The following PKD2 variants were observed in gnomAD, a reference collection of about 807,000 sequenced individuals.
The protein encoded by PKD2 is polycystin-2.
Under a neutral mutation model 105.9 loss-of-function variants are expected in PKD2, and 48 were observed. The ratio of observed to expected loss-of-function variants is 0.45; its 90% CI spans 0.36 to 0.58. The LOEUF (loss-of-function observed/expected upper bound fraction) is 0.58. PKD2 is among the 20% of genes least tolerant of loss of function. The pLI is 0.00. For missense variants in PKD2, 1,078 were observed against 1,255.3 expected, an observed-to-expected ratio of 0.86 and a Z score of 2.13; for synonymous variants, 464 against 481.1, an observed-to-expected ratio of 0.96 and a Z score of 0.46.
chr4:88,031,872 T>TTACCAATG (rs1455988058), intron 2 of PKD2, among the ~76,000 whole-genome samples: 4 of 152,202 alleles, frequency 2.6e-5, no homozygotes, highest in Non-Finnish European at 5.9e-5. Flanking sequence ...ATAGTATAAT[T>TTACCAATG]TACCAATGTA....
chr4:88,008,133 G>A lies in PKD2; in HGVS notation c.400G>A (p.Val134Met). 6.7e-7 allele frequency: 1 copy of A among 1,489,622 alleles called. No individual in the cohort carries two copies. Among genetic ancestry groups the A allele is most frequent in the African/African-American group, 1.4e-5 (1 of 69,018 alleles). The allele number at this position is 1,489,622 out of a possible 1,614,324, so 92.3% of individuals were successfully genotyped here. ...RSAASSAVSS[V>M]GARSRGLGGY... ...GGCCGCCTCCTCGGCCGTGAGCTCC[G>A]TGGGCGCGCGGAGCCGGGGGCTTGG... Residue 134 changes from valine to methionine, a missense_variant, in exon 1 of 15, where the codon GTG (valine) becomes ATG (methionine). This residue lies in a region of PKD2 where 868 missense variants were observed against 1,067.3 expected (regional missense o/e 0.81). Coordinates refer to ENST00000237596, the MANE Select transcript of PKD2 (RefSeq NM_000297.4).
chr4:88,070,601 T>TATATATAGAGAGAG (rs1313482750), intron 13 of PKD2, among the ~76,000 whole-genome samples: 13 of 91,472 alleles, frequency 1.4e-4, no homozygotes, highest in South Asian at 4.1e-4. Context: ...TATATATATA[T>TATATATAGAGAGAG]AGAGAGAGAG....
At chr4:88,028,936 A>G (rs1419129298) in intron 2 of PKD2, among the ~76,000 whole-genome samples, 2 of 152,240 alleles carry the variant, frequency 1.3e-5, no homozygotes, top group East Asian at 3.8e-4. Context: ...TTGTGTCAAC[A>G]GCCTTTACCC....
intron 1 of PKD2, among the ~76,000 whole-genome samples, chr4:88,012,274 C>T (rs531467440): frequency 6.6e-6 from 1 of 152,298 alleles, no homozygotes; most frequent in South Asian, 2.1e-4. Context: ...GGCACTAAGC[C>T]TTCTAAAGGT....
chr4:88,008,377 G>A (rs1726267644), intron 1 of PKD2, 49 bp downstream of exon 1: 3 of 1,482,764 alleles, frequency 2.0e-6, no homozygotes, highest in Non-Finnish European at 1.8e-6. Flanking sequence ...AGAACGGCCG[G>A]CGCCGGCCGG....
intron 2 of PKD2, among the ~76,000 whole-genome samples, chr4:88,022,926 C>T (rs1726811853): frequency 6.6e-6 from 1 of 151,912 alleles, no homozygotes; most frequent in Admixed American, 6.6e-5. Context: ...GCAAAAAATA[C>T]AAAAATTATC....
At chr4:88,041,104 A>G (rs1727547683) in intron 4 of PKD2, among the ~76,000 whole-genome samples, 1 of 152,152 alleles carries the variant, frequency 6.6e-6, no homozygotes, top group South Asian at 2.1e-4. Context: ...ATATGCCCCA[A>G]ACTAAACTCA....
In PKD2 at chr4:88,070,599, T is replaced by TAGAGAGAG. The variant is rs1267235364; in HGVS notation, c.2522+2539_2522+2540insGAGAGAGA. Among the ~76,000 whole-genome samples the TAGAGAGAG allele has an allele frequency of 8.6e-3, 849 of 98,192 alleles. 4 individuals are homozygous for TAGAGAGAG. The highest frequency in any genetic ancestry group is 0.01 in the Middle Eastern group (2 of 192). 64.4% of individuals were successfully genotyped at this position (98,192 alleles called of 152,430 possible). A position where few individuals can be genotyped will look rare whatever the true frequency, so the allele number is the denominator to read the frequency against. On this transcript the variant is annotated intron_variant, in intron 13 of 14. Coordinates refer to ENST00000237596, the MANE Select transcript of PKD2 (RefSeq NM_000297.4). ...TTATATATATATATATATATATATA[T>TAGAGAGAG]ATAGAGAGAGAGAGAGAGAGAGAGA...
At position 88,007,791 on chromosome 4, in the gene PKD2, G is replaced by C. The variant is rs1490499917; in HGVS notation, c.58G>C (p.Ala20Pro). 6 of 1,156,090 alleles carry C rather than the reference G, an allele frequency of 5.2e-6. No homozygotes were observed. Among genetic ancestry groups the C allele is most frequent in the Non-Finnish European group, 6.4e-6 (6 of 936,642 alleles). The allele number at this position is 1,156,090 out of a possible 1,614,324, so 71.6% of individuals were successfully genotyped here. A position where few individuals can be genotyped will look rare whatever the true frequency, so the allele number is the denominator to read the frequency against. Residue 20 changes from alanine (A) to proline (P), a missense_variant, in exon 1 of 15, where the codon GCG becomes CCG. Coordinates refer to ENST00000237596, the MANE Select transcript of PKD2 (RefSeq NM_000297.4). ...QQPGDAKRPPAPRAPDPGRLM... is the reference protein window; with the variant it reads ...QQPGDAKRPPPPRAPDPGRLM... ...GCCCGGGGACGCCAAGCGGCCGCCCGCGCCCCGCGCGCCGGACCCGGGCCG... is the reference window on the plus strand; with the variant it reads ...GCCCGGGGACGCCAAGCGGCCGCCCCCGCCCCGCGCGCCGGACCCGGGCCG...
At chr4:88,038,930 G>C (rs745473365) in intron 4 of PKD2, among the ~76,000 whole-genome samples, 1 of 152,142 alleles carries the variant, frequency 6.6e-6, no homozygotes, top group African/African-American at 2.4e-5. Context: ...GTGTAAGCTT[G>C]TGAGGCAATT....
rs1021604354 is a variant in PKD2 at position 88,068,060 on chromosome 4, G to A, written c.2521G>A (p.Val841Ile). The A allele has an allele frequency of 1.2e-6, 2 of 1,613,834 alleles. No individual in the cohort carries two copies. The highest frequency in any genetic ancestry group is 1.7e-6 in the Non-Finnish European group (2 of 1,179,712). The part of the protein sequence containing the change: ...SSGVSYEEFQ[V>I]LVRRVDRMEH... ...TGGCGTTTCTTACGAAGAGTTTCAA[G>A]TGTAAGTATAAAGGAATTGGCAGAA... The change falls in exon 13 of 15, where the codon GTC becomes ATC. Residue 841 changes from valine (V) to isoleucine (I), a missense_variant and splice_region_variant. This residue lies in a region of PKD2 where 868 missense variants were observed against 1,067.3 expected (regional missense o/e 0.81). Transcript: ENST00000237596.
chr4:88,053,895 CAT>C (rs1476035033), intron 7 of PKD2, among the ~76,000 whole-genome samples: 2 of 152,096 alleles, frequency 1.3e-5, no homozygotes, highest in Non-Finnish European at 2.9e-5. Context: ...GAACACTTAA[CAT>C]GTGGCTAGTA....
Position 88,056,136 on chromosome 4 carries a change from C to A in PKD2, c.1767C>A (p.Thr589=). 1 of 1,613,544 alleles carries A rather than the reference C, an allele frequency of 6.2e-7. No homozygotes were observed. The highest frequency in any genetic ancestry group is 8.5e-7 in the Non-Finnish European group (1 of 1,179,486). ...GGACCATGAGCCAGCTCTCGACAAC[C>A]ATGTCTCGATGTGCCAAAGACCTGT... The part of the protein sequence containing the change: ...FNRTMSQLST[T]MSRCAKDLFG... The change falls in exon 8 of 15, where the codon ACC becomes ACA. Residue 589 remains threonine, a synonymous_variant. Coordinates refer to ENST00000237596, the MANE Select transcript of PKD2 (RefSeq NM_000297.4).
intron 9 of PKD2, among the ~76,000 whole-genome samples, chr4:88,061,584 A>G (rs916358046): frequency 2.0e-5 from 3 of 152,088 alleles, no homozygotes; most frequent in Non-Finnish European, 2.9e-5. Flanking sequence ...CTAAAAATAC[A>G]ACAGTTAGCC....
intron 13 of PKD2, among the ~76,000 whole-genome samples, chr4:88,071,914 G>A (rs1194828626): frequency 6.6e-6 from 1 of 150,402 alleles, no homozygotes; most frequent in Non-Finnish European, 1.5e-5. Context: ...GATGTAATTT[G>A]CTCCACAGTC....
rs1371885861 is a variant in PKD2, at chr4:88,052,089, G to A, written c.1647G>A (p.Glu549=). 1 of 1,607,628 alleles carries A rather than the reference G, an allele frequency of 6.2e-7. No individual in the cohort carries two copies. Among genetic ancestry groups the A allele is most frequent in the Non-Finnish European group, 8.5e-7 (1 of 1,174,366 alleles). The change falls in exon 7 of 15, where the codon GAG becomes GAA. Residue 549 remains glutamate, a synonymous_variant. Transcript: ENST00000237596. ...LEDQNTFPNF[E]HLAYWQIQFN... ...ATCAAAATACTTTCCCCAACTTTGA[G>A]CATCTGGCATATTGGCAGATACAGT... is the stretch of plus-strand genomic sequence containing the variant.
chr4:88,030,921 G>A (rs1032277328), intron 2 of PKD2, among the ~76,000 whole-genome samples: 1 of 152,194 alleles, frequency 6.6e-6, no homozygotes. Flanking sequence ...ATCAGTTCAA[G>A]CCTAATAATT....
chr4:88,056,533 G>GT (rs1179365002), intron 8 of PKD2, among the ~76,000 whole-genome samples: 1 of 152,176 alleles, frequency 6.6e-6, no homozygotes, highest in Non-Finnish European at 1.5e-5. Flanking sequence ...TGAAGACTGA[G>GT]TTTTTCTTTG....
Position 88,008,082 on chromosome 4 carries a change from G to C in PKD2, c.349G>C (p.Glu117Gln). 1 of 1,519,756 alleles carries C rather than the reference G, an allele frequency of 6.6e-7. No individual in the cohort carries two copies. The highest frequency in any genetic ancestry group is 8.8e-7 in the Non-Finnish European group (1 of 1,138,960). 94.1% of individuals were successfully genotyped at this position (1,519,756 alleles called of 1,614,324 possible). The part of the protein sequence containing the change: ...EGGMVVEMDV[E>Q]WRPGSRRSAA... ...CGGAATGGTGGTGGAGATGGACGTA[G>C]AGTGGCGCCCGGGCAGCCGGAGGTC... The change falls in exon 1 of 15, where the codon GAG becomes CAG. Residue 117 changes from glutamate (E) to glutamine (Q), a missense_variant. Around this residue, in one of 2 missense-constraint regions of PKD2, gnomAD observed 210 missense variants for 187.9 expected, o/e 1.12. Coordinates refer to ENST00000237596, the MANE Select transcript of PKD2 (RefSeq NM_000297.4).
Sources: gnomAD v4.1 joint callset for allele counts (sites outside exome capture counted in the v4.1 genomes callset) on GRCh38, gnomAD v4.1.1 for gene constraint, gnomAD v4.1.1 regional missense constraint, MANE v1.5 for transcripts, NCBI Gene and HGNC (gene_info 2026-07-23, HGNC 2026-07-21) for gene names.